Variants in OR1J2 observed in about 807,000 individuals in gnomAD.
The protein encoded by OR1J2 is olfactory receptor family 1 subfamily J member 2.
For missense variants in OR1J2, 304 were observed against 246.1 expected, an observed-to-expected ratio of 1.24 and a Z score of -1.57; for synonymous variants, 142 against 99.7, an observed-to-expected ratio of 1.42 and a Z score of -2.52.
At chr9:122,516,056 G>A (rs116757031), downstream of OR1J2, among the ~76,000 whole-genome samples, 1,413 of 152,060 alleles carry the variant, frequency 9.3e-3, 19 homozygotes, top group African/African-American at 0.032. Flanking sequence ...AATTTTTACT[G>A]TAATTCAGGG....
chr9:122,571,215 G>A, the OR1J2 span, among the ~76,000 whole-genome samples: 173 of 152,210 alleles, frequency 1.1e-3, 2 homozygotes, highest in Non-Finnish European at 2.1e-3. Flanking sequence ...GGATTTGAAA[G>A]CTTGAACACT....
At chr9:122,524,759 CA>C in the OR1J2 span, among the ~76,000 whole-genome samples, 1 of 152,138 alleles carries the variant, frequency 6.6e-6, no homozygotes, top group Non-Finnish European at 1.5e-5. Flanking sequence ...TGAATCTGAG[CA>C]GCAGATTTAG....
upstream of OR1J2, among the ~76,000 whole-genome samples, chr9:122,505,993 C>T (rs887418866): frequency 6.6e-6 from 1 of 152,152 alleles, no homozygotes; most frequent in Admixed American, 6.5e-5. Flanking sequence ...GCCTCTTTCT[C>T]CTTCTGTATT....
the OR1J2 span, chr9:122,526,215 T>C: frequency 2.2e-6 from 1 of 464,930 alleles, no homozygotes; most frequent in Non-Finnish European, 3.7e-6. Context: ...TTATCTCCAT[T>C]TTATAAATGA....
chr9:122,479,564 G>A, the OR1J2 span, among the ~76,000 whole-genome samples: 5 of 152,164 alleles, frequency 3.3e-5, no homozygotes, highest in African/African-American at 7.2e-5. Flanking sequence ...GTGTAATTAC[G>A]AAAAATTCAT....
At chr9:122,552,037 A>ACACTCTCTCTCTCTCT in the OR1J2 span, among the ~76,000 whole-genome samples, 4 of 16,922 alleles carry the variant, frequency 2.4e-4, no homozygotes, top group African/African-American at 4.4e-4. Flanking sequence ...TAGGACACAT[A>ACACTCTCTCTCTCTCT]CACACACACA....
At chr9:122,515,534 A>C (rs935052847), downstream of OR1J2, among the ~76,000 whole-genome samples, 3 of 151,866 alleles carry the variant, frequency 2.0e-5, no homozygotes, top group African/African-American at 7.3e-5. Context: ...GGATAGGGCC[A>C]GCTGGTTACA....
the OR1J2 span, among the ~76,000 whole-genome samples, chr9:122,524,027 A>G: frequency 1.3e-5 from 2 of 152,186 alleles, no homozygotes; most frequent in African/African-American, 4.8e-5. Flanking sequence ...AGGAATAGAA[A>G]TTTGAGCTTA....
chr9:122,503,882 A>G, the OR1J2 span, among the ~76,000 whole-genome samples: 1 of 152,216 alleles, frequency 6.6e-6, no homozygotes, highest in Non-Finnish European at 1.5e-5. Context: ...CACCCTGATC[A>G]GGTCTGAACT....
the OR1J2 span, among the ~76,000 whole-genome samples, chr9:122,456,254 A>G: frequency 6.6e-6 from 1 of 152,168 alleles, no homozygotes; most frequent in Non-Finnish European, 1.5e-5. Flanking sequence ...CTAGAGGGCT[A>G]TGTGCGCGCT....
the OR1J2 span, among the ~76,000 whole-genome samples, chr9:122,495,794 T>A: frequency 2.0e-5 from 3 of 152,084 alleles, no homozygotes; most frequent in Admixed American, 6.6e-5. Flanking sequence ...TTTTTTCTGG[T>A]TCCTTCTTGT....
chr9:122,563,729 T>C, the OR1J2 span, among the ~76,000 whole-genome samples: 1 of 152,246 alleles, frequency 6.6e-6, no homozygotes. Context: ...CTTTGTCTAG[T>C]ATTTTCATAG....
chr9:122,487,514 G>A, the OR1J2 span, among the ~76,000 whole-genome samples: 2 of 151,568 alleles, frequency 1.3e-5, no homozygotes, highest in Non-Finnish European at 2.9e-5. Context: ...GAGTCTGTAA[G>A]CATTGGTCTT....
chr9:122,457,910 A>C, the OR1J2 span, among the ~76,000 whole-genome samples: 9 of 152,160 alleles, frequency 5.9e-5, no homozygotes, highest in African/African-American at 1.9e-4. Context: ...CCTTTCCTGT[A>C]ATTTTTGTTG....
At chr9:122,544,415 C>CTTTTTTTTT in the OR1J2 span, among the ~76,000 whole-genome samples, 470 of 85,250 alleles carry the variant, frequency 5.5e-3, no homozygotes, top group Middle Eastern at 8.9e-3. Context: ...CCTCTTTTTT[C>CTTTTTTTTT]TTTTTTTTTT....
the OR1J2 span, among the ~76,000 whole-genome samples, chr9:122,529,598 T>G: frequency 6.6e-6 from 1 of 152,176 alleles, no homozygotes; most frequent in African/African-American, 2.4e-5. Flanking sequence ...CTGCACCATC[T>G]CTTGCTCTAT....
At chr9:122,533,472 C>A in the OR1J2 span, among the ~76,000 whole-genome samples, 1 of 151,856 alleles carries the variant, frequency 6.6e-6, no homozygotes, top group Admixed American at 6.6e-5. Flanking sequence ...AGGTGTCTTA[C>A]ACTTGTGGGT....
the OR1J2 span, among the ~76,000 whole-genome samples, chr9:122,561,979 C>T: frequency 6.6e-6 from 1 of 152,178 alleles, no homozygotes; most frequent in Non-Finnish European, 1.5e-5. Context: ...ATGGCCACCC[C>T]TTCTACTAGG....
At chr9:122,460,079 A>T in the OR1J2 span, among the ~76,000 whole-genome samples, 3 of 152,114 alleles carry the variant, frequency 2.0e-5, no homozygotes, top group Non-Finnish European at 2.9e-5. Context: ...TTCAGTTAGA[A>T]TAATGATCTC....
Sources: allele counts gnomAD v4.1 joint callset (sites outside exome capture counted in the v4.1 genomes callset), GRCh38; gene constraint gnomAD v4.1.1; transcripts MANE v1.5; gene names NCBI Gene and HGNC (gene_info 2026-07-23, HGNC 2026-07-21).